ARID1B: variants seen among roughly 807,000 people sequenced by gnomAD.
ARID1B encodes AT-rich interaction domain 1B.
ARID1B carries 30 observed loss-of-function variants against 212.3 expected under a neutral mutation model. The ratio of observed to expected loss-of-function variants is 0.14; its 90% confidence interval spans 0.11 to 0.19. ARID1B has a LOEUF of 0.19. Ranked by LOEUF, ARID1B falls within the 10% of genes least tolerant of loss-of-function variation. The pLI is 1.00. For synonymous variants in ARID1B, 1,402 were observed against 1,301.7 expected (o/e 1.08, Z -1.66); for missense variants, 2,891 against 3,204.0 (o/e 0.90, Z 2.36).
chr6:156,781,508 G>T lies in ARID1B; in HGVS notation c.1791+2037G>T, dbSNP rs533759104. Among the ~76,000 whole-genome samples, 9 of 152,168 alleles carry T rather than the reference G, an allele frequency of 5.9e-5. 1 individual carries two copies. The highest frequency in any genetic ancestry group is 2.2e-4 in the African/African-American group (9 of 41,518). On this transcript the variant is annotated intron_variant, in intron 1 of 19. Transcript: ENST00000636930. ...TTTTTATGTAACTCATTTATTTTAG[G>T]AAGAGGTATTTTAACAATAATCATA... is the stretch of plus-strand genomic sequence containing the variant.
At chr6:156,985,559 TA>T (rs767732057) in intron 4 of ARID1B, 1 of 152,256 alleles carries the variant, frequency 6.6e-6, no homozygotes, top group Non-Finnish European at 1.5e-5. Flanking sequence ...CTCATGTTTT[TA>T]TATTACATTG....
At position 156,935,440 on chromosome 6, in the gene ARID1B, T is replaced by C. The variant is rs1470289222; in HGVS notation, c.2137-26T>C. The C allele has an allele frequency of 2.6e-6, 4 of 1,545,544 alleles. No individual in the cohort carries two copies. In the African/African-American group the frequency reaches 5.5e-5, roughly 21 times the overall value. ...ATAACTCATTGAGATATTTATGAAGTGCTTTGTGTTTGTGTTTTTTTTTAG... is the reference window on the plus strand; with the variant it reads ...ATAACTCATTGAGATATTTATGAAGCGCTTTGTGTTTGTGTTTTTTTTTAG... On this transcript the variant is annotated intron_variant, in intron 3 of 19. Transcript: ENST00000636930.
chr6:157,206,134 TTC>T lies in ARID1B; in HGVS notation c.5395-31_5395-30del. The T allele has an allele frequency of 6.2e-7, 1 of 1,604,716 alleles. No homozygotes were observed. The highest frequency in any genetic ancestry group is 8.5e-7 in the Non-Finnish European group (1 of 1,174,410). On this transcript the variant is annotated intron_variant, in intron 19 of 19. Transcript: ENST00000636930. This position sits in a 1 kb window ranked among gnomAD's most constrained non-coding sequence, Gnocchi z 6.8. ...ATCTGATGTCATGACATTGTACCTG[TTC>T]TTTCTTTCTTCTCCTCCTCCTCCTC...
intron 4 of ARID1B, among the ~76,000 whole-genome samples, chr6:156,994,134 T>C (rs1191200291): frequency 6.6e-6 from 1 of 152,200 alleles, no homozygotes; most frequent in Admixed American, 6.5e-5. Context: ...ATTTTAAGAA[T>C]ACTTGATGCA....
rs776745618 is a variant in ARID1B, at chr6:156,778,126, A to G, written c.446A>G (p.Asn149Ser). 2.3e-4 allele frequency: 355 copies of G among 1,538,874 alleles called. No individual in the cohort carries two copies. The highest frequency in any genetic ancestry group is 4.2e-4 in the East Asian group (17 of 40,590). The change falls in exon 1 of 20, where the codon AAC becomes AGC. Residue 149 changes from asparagine (N) to serine (S), a missense_variant. Physicochemically the swap from Asn to Ser is conservative, Grantham distance 46 (BLOSUM62 1). Coordinates refer to ENST00000636930, the MANE Select transcript of ARID1B (RefSeq NM_001374828.1). Reference sequence around the variant, plus strand: ...GCCATGGAGACGGGGCTGCTCCCCAACCACAAACTGAAAACCGTTGGCGAA... The same window carrying G: ...GCCATGGAGACGGGGCTGCTCCCCAGCCACAAACTGAAAACCGTTGGCGAA... ...GSAMETGLLP[N>S]HKLKTVGEAP...
intron 8 of ARID1B, chr6:157,150,374 C>T (rs964159592): frequency 5.3e-5 from 8 of 152,118 alleles, no homozygotes; most frequent in African/African-American, 1.7e-4. Flanking sequence ...GTTTCTAATG[C>T]GTAGACCATT....
Position 157,190,018 on chromosome 6 carries a change from C to A in ARID1B, c.4059-20C>A, listed in dbSNP as rs762044665. The stretch of plus-strand genomic sequence containing the variant: ...AACTCCTGCTGTATCATTAAGCTTT[C>A]ATTCTTTGCCTCTCTTCAGAAGCAG... On this transcript the variant is annotated intron_variant, in intron 14 of 19. Transcript: ENST00000636930. The surrounding 1 kb of genome is among the most constrained non-coding windows in gnomAD (Gnocchi z 4.6). 2.9e-5 allele frequency: 46 copies of A among 1,611,568 alleles called. No homozygotes were observed. Among genetic ancestry groups the A allele is most frequent in the Non-Finnish European group, 3.8e-5 (45 of 1,178,706 alleles).
At chr6:157,024,053 A>G (rs1780494537) in intron 4 of ARID1B, 1 of 152,238 alleles carries the variant, frequency 6.6e-6, no homozygotes, top group South Asian at 2.1e-4. Context: ...ATTTCATATG[A>G]GATTTATCTG....
chr6:156,999,659 G>T (rs1778799031), intron 4 of ARID1B, among the ~76,000 whole-genome samples: 1 of 152,158 alleles, frequency 6.6e-6, no homozygotes, highest in Non-Finnish European at 1.5e-5. Flanking sequence ...ACGTGAGCAT[G>T]CAGGTGCTGC....
chr6:157,019,636 A>T (rs772101081), intron 4 of ARID1B, among the ~76,000 whole-genome samples: 65 of 152,132 alleles, frequency 4.3e-4, no homozygotes, highest in Non-Finnish European at 8.2e-4. Context: ...TTGTCCATTA[A>T]ATGTTGGTAC....
chr6:157,028,749 A>G (rs1780826237), intron 4 of ARID1B, among the ~76,000 whole-genome samples: 1 of 152,194 alleles, frequency 6.6e-6, no homozygotes, highest in African/African-American at 2.4e-5. Context: ...ATTTATGGAA[A>G]AGGTATGGTA....
At position 157,207,063 on chromosome 6, in the gene ARID1B, C is replaced by G. The variant is rs112703040; in HGVS notation, c.6291C>G (p.Ile2097Met). Residue 2097 changes from isoleucine (I) to methionine (M), a missense_variant, in exon 20 of 20, where the codon ATC (isoleucine) becomes ATG (methionine). Around this residue, in one of 7 missense-constraint regions of ARID1B, gnomAD observed 19 missense variants for 52.9 expected, o/e 0.36. Coordinates refer to ENST00000636930, the MANE Select transcript of ARID1B (RefSeq NM_001374828.1). This position sits in a 1 kb window ranked among gnomAD's most constrained non-coding sequence, Gnocchi z 8.5. ...CCAAACATCCAGGCCTGGTGCTGAT[C>G]CTGGGGAAGCTGATTCTTCTTCACC... ...EMSKHPGLVL[I>M]LGKLILLHHE... is the part of the protein sequence containing the mutation. The G allele has an allele frequency of 6.2e-7, 1 of 1,614,160 alleles. No individual in the cohort carries two copies. Among genetic ancestry groups the G allele is most frequent in the Admixed American group, 1.7e-5 (1 of 60,028 alleles).
chr6:157,176,045 A>G (rs543292741), intron 11 of ARID1B, among the ~76,000 whole-genome samples: 1 of 152,340 alleles, frequency 6.6e-6, no homozygotes, highest in South Asian at 2.1e-4. Context: ...TTAATTATCC[A>G]TTCACTGGTT....
intron 4 of ARID1B, among the ~76,000 whole-genome samples, chr6:156,986,754 C>G (rs1007149858): frequency 2.0e-5 from 3 of 151,966 alleles, no homozygotes; most frequent in Non-Finnish European, 2.9e-5. Context: ...TTTTTTAAGG[C>G]CAATGCTACC....
At chr6:156,933,389 T>G (rs1317253405) in intron 3 of ARID1B, among the ~76,000 whole-genome samples, 2 of 152,224 alleles carry the variant, frequency 1.3e-5, no homozygotes, top group Non-Finnish European at 2.9e-5. Context: ...AATAGAGGCC[T>G]TGTGCCCTGC....
chr6:156,935,719 AG>A (rs1792147284), intron 4 of ARID1B, 143 bp downstream of exon 4: 1 of 724,490 alleles, frequency 1.4e-6, no homozygotes, highest in Non-Finnish European at 2.2e-6. Flanking sequence ...CAATTTTTCA[AG>A]GTTTACCTTT....
At chr6:156,815,300 CT>C (rs1258927143) in intron 1 of ARID1B, among the ~76,000 whole-genome samples, 1 of 152,062 alleles carries the variant, frequency 6.6e-6, no homozygotes, top group African/African-American at 2.4e-5. Context: ...CATATACATT[CT>C]AGTTATTATT....
At chr6:156,953,090 CTTA>C (rs752249955) in intron 4 of ARID1B, among the ~76,000 whole-genome samples, 17 of 152,208 alleles carry the variant, frequency 1.1e-4, no homozygotes, top group South Asian at 6.2e-4. Flanking sequence ...GCTTTATGCA[CTTA>C]TTATTATTTT....
At chr6:157,159,934 A>G (rs1790825571) in intron 8 of ARID1B, among the ~76,000 whole-genome samples, 1 of 152,374 alleles carries the variant, frequency 6.6e-6, no homozygotes, top group East Asian at 1.9e-4. Context: ...GTCGCAAAAC[A>G]ATATTCTTCT....
Sources: gnomAD v4.1 joint callset for allele counts (sites outside exome capture counted in the v4.1 genomes callset) on GRCh38, gnomAD v4.1.1 for gene constraint, gnomAD v4.1.1 regional missense constraint, Gnocchi (gnomAD v3.1) non-coding constraint, MANE v1.5 for transcripts, NCBI Gene and HGNC (gene_info 2026-07-23, HGNC 2026-07-21) for gene names.